USP46: variants seen among roughly 807,000 people sequenced by gnomAD.
USP46 encodes the protein ubiquitin specific peptidase 46.
A neutral mutation model predicts 44.4 loss-of-function variants in USP46; 12 were observed. The ratio of observed to expected loss-of-function variants is 0.27; its 90% confidence interval spans 0.17 to 0.44. The LOEUF (loss-of-function observed/expected upper bound fraction) is 0.44, where lower values mean the gene tolerates loss of function less well. Ranked by LOEUF, USP46 falls within the 20% of genes least tolerant of loss-of-function variation. The pLI, the probability that USP46 is intolerant of heterozygous loss-of-function variation, is 1.00. For missense variants in USP46, 248 were observed against 444.8 expected (o/e 0.56, Z 3.98); for synonymous variants, 155 against 161.5 (o/e 0.96, Z 0.31).
chr4:52,614,630 G>A (rs569322136), intron 4 of USP46, among the ~76,000 whole-genome samples: 14 of 152,242 alleles, frequency 9.2e-5, no homozygotes, highest in East Asian at 3.9e-4. Flanking sequence ...TCACAAGAAA[G>A]GTGAAAGGAA....
chr4:52,648,157 A>G (rs1030545348), intron 1 of USP46, among the ~76,000 whole-genome samples: 1 of 152,204 alleles, frequency 6.6e-6, no homozygotes, highest in Admixed American at 6.5e-5. Context: ...AAGTCCAACC[A>G]TATCTCAGCC....
intron 4 of USP46, among the ~76,000 whole-genome samples, chr4:52,622,054 G>A (rs1339690807): frequency 6.6e-6 from 1 of 152,102 alleles, no homozygotes; most frequent in Non-Finnish European, 1.5e-5. Flanking sequence ...TAAACATGCA[G>A]AACTAAGTAA....
chr4:52,631,483 T>C (rs1365092321), intron 1 of USP46, among the ~76,000 whole-genome samples: 2 of 152,230 alleles, frequency 1.3e-5, no homozygotes, highest in African/African-American at 4.8e-5. Context: ...ACAGCAGCTT[T>C]TGTAATATTT....
chr4:52,603,472 T>C (rs1468473987), intron 6 of USP46, among the ~76,000 whole-genome samples: 2 of 152,160 alleles, frequency 1.3e-5, no homozygotes, highest in African/African-American at 2.4e-5. Context: ...GACAGCAGTA[T>C]TGAGCATCTG....
At chr4:52,615,360 T>C (rs1282237084) in intron 4 of USP46, among the ~76,000 whole-genome samples, 1 of 152,178 alleles carries the variant, frequency 6.6e-6, no homozygotes, top group Non-Finnish European at 1.5e-5. Flanking sequence ...TGCGAAGAGT[T>C]AGCGTAAGTT....
chr4:52,609,944 G>T (rs1162544866), intron 5 of USP46, among the ~76,000 whole-genome samples: 2 of 18,912 alleles, frequency 1.1e-4, no homozygotes, highest in Non-Finnish European at 2.8e-4. Flanking sequence ...TTTTTTTTTT[G>T]AGGCGGAGTT....
In USP46 at chr4:52,656,466, G is replaced by A. The variant is rs546595875; in HGVS notation, c.36+2649C>T. The A allele has an allele frequency of 3.7e-5, 53 of 1,446,158 alleles. 1 individual carries two copies. The highest frequency in any genetic ancestry group is 2.9e-4 in the African/African-American group (20 of 69,954). The allele number at this position is 1,446,158 out of a possible 1,614,324, so 89.6% of individuals were successfully genotyped here. ...TGGGGGATTGACCTGAGCAGGGGGCGGGGTTAAGGATTCCCACTCCAGCCT... is the reference window on the plus strand; with the variant it reads ...TGGGGGATTGACCTGAGCAGGGGGCAGGGTTAAGGATTCCCACTCCAGCCT... On this transcript the variant is annotated intron_variant, in intron 1 of 8. Transcript: ENST00000441222.
At position 52,595,302 on chromosome 4, in the gene USP46, T is replaced by C. The variant is rs1716181868; in HGVS notation, c.*2338A>G. On this transcript the variant is annotated 3_prime_UTR_variant, in exon 9 of 9. Transcript: ENST00000441222. ...TAAAGAGACATGATTGGGAGAAACCTGCAGCTGCCCAGTGTTTGTTTCATT... is the reference window on the plus strand; with the variant it reads ...TAAAGAGACATGATTGGGAGAAACCCGCAGCTGCCCAGTGTTTGTTTCATT... 6.6e-6 allele frequency: 1 copy of C among 152,642 alleles called. No homozygotes were observed. The highest frequency in any genetic ancestry group is 3.2e-3 in the Middle Eastern group (1 of 316). 9.5% of individuals were successfully genotyped at this position (152,642 alleles called of 1,614,324 possible). A position where few individuals can be genotyped will look rare whatever the true frequency, so the allele number is the denominator to read the frequency against.
intron 1 of USP46, among the ~76,000 whole-genome samples, chr4:52,639,669 C>T (rs530946750): frequency 1.3e-5 from 2 of 152,106 alleles, no homozygotes; most frequent in African/African-American, 2.4e-5. Flanking sequence ...TGGGCAGCCA[C>T]GACCAGGTAA....
rs1258987194 is a variant in USP46 at position 52,610,636 on chromosome 4, A to G, written c.562-19T>C. The G allele has an allele frequency of 1.2e-6, 2 of 1,611,030 alleles. No homozygotes were observed. Among genetic ancestry groups the G allele is most frequent in the African/African-American group, 2.7e-5 (2 of 74,870 alleles). On this transcript the variant is annotated intron_variant, in intron 4 of 8. Coordinates refer to ENST00000441222, the MANE Select transcript of USP46 (RefSeq NM_022832.4). ...TACTAACCTGAAACAAAAAACAGAA[A>G]CAATATATTAGGCATGAAATATGTA...
chr4:52,647,979 G>A (rs915514645), intron 1 of USP46, among the ~76,000 whole-genome samples: 1 of 152,214 alleles, frequency 6.6e-6, no homozygotes, highest in Non-Finnish European at 1.5e-5. Flanking sequence ...AAGTGGTAAT[G>A]CAATGCCCAG....
chr4:52,610,019 G>A (rs938279937), intron 5 of USP46, among the ~76,000 whole-genome samples: 2 of 131,656 alleles, frequency 1.5e-5, no homozygotes, highest in African/African-American at 5.7e-5. Context: ...TCCGCCTCCC[G>A]GGTTCACGCC....
rs1047140832 is a variant in USP46 at position 52,641,628 on chromosome 4, T to A, written c.37-10484A>T. Among the ~76,000 whole-genome samples the A allele has an allele frequency of 2.6e-5, 4 of 152,138 alleles. No homozygotes were observed. In the South Asian group the frequency reaches 8.3e-4, roughly 32 times the overall value. ...GCATTAAAAGGTCTGGAAAAACCAA[T>A]GAGAACACTGTCAAAATATGGAAGA... On this transcript the variant is annotated intron_variant, in intron 1 of 8. Transcript: ENST00000441222.
chr4:52,595,127 CA>C lies in USP46; in HGVS notation c.*2512del, dbSNP rs1277527568. Reference sequence around the variant, plus strand: ...GGCCTACTCACTCCTGCAGATGACACACGGAATCCTTGGCCATTGGAGGGAA... The same window carrying C: ...GGCCTACTCACTCCTGCAGATGACACCGGAATCCTTGGCCATTGGAGGGAA... On this transcript the variant is annotated 3_prime_UTR_variant, in exon 9 of 9. Coordinates refer to ENST00000441222, the MANE Select transcript of USP46 (RefSeq NM_022832.4). 6.6e-6 allele frequency: 1 copy of C among 152,608 alleles called. No individual in the cohort carries two copies. Among genetic ancestry groups the C allele is most frequent in the Non-Finnish European group, 1.5e-5 (1 of 68,038 alleles). 9.5% of individuals were successfully genotyped at this position (152,608 alleles called of 1,614,324 possible).
intron 1 of USP46, among the ~76,000 whole-genome samples, chr4:52,658,519 T>C (rs1719043514): frequency 6.6e-6 from 1 of 152,166 alleles, no homozygotes; most frequent in Non-Finnish European, 1.5e-5. Flanking sequence ...TTTTCACAGA[T>C]GGGGAAACTG....
intron 8 of USP46, 82 bp downstream of exon 8, chr4:52,598,546 T>C: frequency 7.2e-7 from 1 of 1,385,056 alleles, no homozygotes; most frequent in Non-Finnish European, 1.0e-6. Context: ...AACAGGCCTA[T>C]TTTAGAAAAT....
At chr4:52,656,633 C>A in intron 1 of USP46, 2 of 1,169,468 alleles carry the variant, frequency 1.7e-6, no homozygotes, top group South Asian at 5.3e-5. Flanking sequence ...TGAGTTCTAG[C>A]CATGTACCAG....
chr4:52,625,942 G>A (rs1717567002), intron 4 of USP46, 76 bp downstream of exon 4: 8 of 1,340,130 alleles, frequency 6.0e-6, no homozygotes, highest in Admixed American at 4.4e-5. Flanking sequence ...GCTATAATAC[G>A]ACATTGCAAT....
Position 52,630,909 on chromosome 4 carries a change from T to C in USP46, c.117+155A>G, listed in dbSNP as rs7683500. Among the ~76,000 whole-genome samples the C allele has an allele frequency of 9.1e-3, 1,380 of 152,316 alleles. 15 individuals are homozygous for C. The highest frequency in any genetic ancestry group is 0.031 in the African/African-American group (1,309 of 41,562). ...CTGGGACAACTCATACTTTCAAAAA[T>C]AGGTTAAGTTGCTTTCTCCCCAATA... On this transcript the variant is annotated intron_variant, in intron 2 of 8. Transcript: ENST00000441222.
Sources: allele counts gnomAD v4.1 joint callset (sites outside exome capture counted in the v4.1 genomes callset), GRCh38; gene constraint gnomAD v4.1.1; transcripts MANE v1.5; gene names NCBI Gene and HGNC (gene_info 2026-07-23, HGNC 2026-07-21).